Variants in LYRM4 observed in about 807,000 individuals in gnomAD.
LYRM4 encodes LYR motif containing 4.
A neutral mutation model predicts 11.7 loss-of-function variants in LYRM4; 9 were observed. The observed-to-expected ratio is 0.77, with a 90% CI of 0.46 to 1.34. LYRM4 has a LOEUF of 1.34. LYRM4 is among the 40% of genes most tolerant of loss of function. The pLI, the probability that LYRM4 is intolerant of heterozygous loss-of-function variation, is 0.00. For synonymous variants in LYRM4, 42 were observed against 40.4 expected, an observed-to-expected ratio of 1.04 and a Z score of -0.15; for missense variants, 133 against 112.5, an observed-to-expected ratio of 1.18 and a Z score of -0.82.
chr6:5,219,723 T>C (rs1166498935), intron 1 of LYRM4, among the ~76,000 whole-genome samples: 1 of 152,138 alleles, frequency 6.6e-6, no homozygotes, highest in Admixed American at 6.5e-5. Flanking sequence ...TTTTTCTTTT[T>C]TCTTTGCTTT....
intron 2 of LYRM4, among the ~76,000 whole-genome samples, chr6:5,165,044 T>C (rs1222780308): frequency 6.6e-6 from 1 of 151,716 alleles, no homozygotes; most frequent in Non-Finnish European, 1.5e-5. Context: ...GCTTTCAAAA[T>C]TGTAAATTAA....
At chr6:5,185,212 A>G (rs2127683471) in intron 2 of LYRM4, among the ~76,000 whole-genome samples, 1 of 152,334 alleles carries the variant, frequency 6.6e-6, no homozygotes, top group South Asian at 2.1e-4. Context: ...CCAATGAATG[A>G]ATGGGTGAAC....
chr6:5,098,153 G>A, the LYRM4 span, among the ~76,000 whole-genome samples: 8 of 152,140 alleles, frequency 5.3e-5, no homozygotes, highest in African/African-American at 1.2e-4. Context: ...ACAACTCCAC[G>A]CCTACATCTA....
the LYRM4 span, among the ~76,000 whole-genome samples, chr6:5,037,763 C>G: frequency 1.3e-4 from 7 of 53,120 alleles, no homozygotes; most frequent in Non-Finnish European, 2.8e-4. Flanking sequence ...TAGGGGCGGC[C>G]GGGCAGAGGC....
rs1347789118 is a variant in LYRM4, at chr6:5,245,089, T to TTA, written c.86+15558_86+15559insTA. On this transcript the variant is annotated intron_variant, in intron 1 of 2. Coordinates refer to ENST00000330636, the MANE Select transcript of LYRM4 (RefSeq NM_020408.6). ...GCTGACTTTATTTGCAGGAAGACCT[T>TTA]AAAAAAAAAAAAAAAAAAAAAAAAA... Among the ~76,000 whole-genome samples, 23 of 15,488 alleles carry TTA rather than the reference T, an allele frequency of 1.5e-3. 2 individuals are homozygous for TTA. Among genetic ancestry groups the TTA allele is most frequent in the South Asian group, 6.7e-3 (1 of 150 alleles). 10.2% of individuals were successfully genotyped at this position (15,488 alleles called of 152,430 possible). A position where few individuals can be genotyped will look rare whatever the true frequency, so the allele number is the denominator to read the frequency against.
chr6:5,091,990 A>G, the LYRM4 span, among the ~76,000 whole-genome samples: 3 of 152,340 alleles, frequency 2.0e-5, no homozygotes, highest in South Asian at 6.2e-4. Context: ...CATTTCCCAC[A>G]GAGTCGACAG....
chr6:5,086,412 C>A, the LYRM4 span: 1 of 1,536,420 alleles, frequency 6.5e-7, no homozygotes, highest in Non-Finnish European at 8.7e-7. Flanking sequence ...TGCCCCCGGG[C>A]CTGCAGCCTG....
At chr6:5,071,915 G>A in the LYRM4 span, among the ~76,000 whole-genome samples, 1 of 152,128 alleles carries the variant, frequency 6.6e-6, no homozygotes, top group East Asian at 1.9e-4. Context: ...AAAGTGCTGG[G>A]ATTACAGGTG....
chr6:5,248,161 T>C (rs1202317811), intron 1 of LYRM4, among the ~76,000 whole-genome samples: 1 of 152,268 alleles, frequency 6.6e-6, no homozygotes, highest in African/African-American at 2.4e-5. Flanking sequence ...CTTCCAATGA[T>C]ATTCTCATAA....
chr6:5,035,522 G>T, the LYRM4 span, among the ~76,000 whole-genome samples: 2 of 112,676 alleles, frequency 1.8e-5, no homozygotes, highest in African/African-American at 6.5e-5. Context: ...TCAAGGCAAG[G>T]CTCTTTCTCC....
chr6:5,235,188 G>A (rs1033498552), intron 1 of LYRM4, among the ~76,000 whole-genome samples: 1 of 152,064 alleles, frequency 6.6e-6, no homozygotes, highest in Non-Finnish European at 1.5e-5. Flanking sequence ...TGTTGCCCAG[G>A]CTGGAGTGCA....
At chr6:5,034,754 T>TG in the LYRM4 span, 1 of 8,640 alleles carries the variant, frequency 1.2e-4, no homozygotes, top group African/African-American at 2.3e-4. Flanking sequence ...ACAGCAATGC[T>TG]TTTTTTTTTT....
intron 2 of LYRM4, among the ~76,000 whole-genome samples, chr6:5,184,293 C>T (rs1442396274): frequency 1.3e-5 from 2 of 152,136 alleles, no homozygotes; most frequent in Admixed American, 1.3e-4. Flanking sequence ...TGGAGTTTCA[C>T]AAGAAAGGGG....
At chr6:5,241,426 G>A (rs912198980) in intron 1 of LYRM4, among the ~76,000 whole-genome samples, 1 of 152,170 alleles carries the variant, frequency 6.6e-6, no homozygotes, top group Non-Finnish European at 1.5e-5. Flanking sequence ...AAACAGTCTC[G>A]TAGGCAAGTA....
At chr6:5,086,138 T>C in the LYRM4 span, 11 of 1,492,614 alleles carry the variant, frequency 7.4e-6, no homozygotes, top group Non-Finnish European at 9.7e-6. Flanking sequence ...CGGCAGCGCG[T>C]GTGCCTGGAG....
chr6:5,145,790 G>T (rs747788515), intron 2 of LYRM4, among the ~76,000 whole-genome samples: 24 of 152,146 alleles, frequency 1.6e-4, no homozygotes, highest in South Asian at 2.1e-4. Flanking sequence ...CACCACCAAT[G>T]CTCTAGTAAT....
intron 1 of LYRM4, among the ~76,000 whole-genome samples, chr6:5,246,881 A>G (rs747493332): frequency 3.3e-5 from 5 of 152,254 alleles, no homozygotes; most frequent in Non-Finnish European, 4.4e-5. Flanking sequence ...AGAGGTGGCA[A>G]TTGAAACCAC....
chr6:5,248,414 A>C (rs1764287787), intron 1 of LYRM4, among the ~76,000 whole-genome samples: 1 of 152,246 alleles, frequency 6.6e-6, no homozygotes, highest in African/African-American at 2.4e-5. Context: ...TGCAATCTGC[A>C]GAAAACACCT....
At chr6:5,153,951 T>C (rs1758237843) in intron 2 of LYRM4, among the ~76,000 whole-genome samples, 1 of 152,164 alleles carries the variant, frequency 6.6e-6, no homozygotes, top group African/African-American at 2.4e-5. Flanking sequence ...AACAGGGATA[T>C]ATGGAATGCT....
Sources: allele counts gnomAD v4.1 joint callset (sites outside exome capture counted in the v4.1 genomes callset), GRCh38; gene constraint gnomAD v4.1.1; transcripts MANE v1.5; gene names NCBI Gene and HGNC (gene_info 2026-07-23, HGNC 2026-07-21).